PBX1: variants seen among roughly 807,000 people sequenced by gnomAD.
PBX1 encodes the protein PBX homeobox 1, also known as pre-B-cell leukemia transcription factor 1.
PBX1 carries 6 observed loss-of-function variants against 53.4 expected under a neutral mutation model. The ratio of observed to expected loss-of-function variants is 0.11; its 90% CI spans 0.06 to 0.22. PBX1 has a LOEUF of 0.22. PBX1 is among the 10% of genes least tolerant of loss of function. The pLI, the probability that PBX1 is intolerant of heterozygous loss-of-function variation, is 1.00. For missense variants in PBX1, 251 were observed against 551.4 expected (o/e 0.46, Z 5.46); for synonymous variants, 204 against 212.3 (o/e 0.96, Z 0.34).
intron 2 of PBX1, among the ~76,000 whole-genome samples, chr1:164,705,820 A>G (rs1169650138): frequency 6.6e-6 from 1 of 152,334 alleles, no homozygotes; most frequent in East Asian, 1.9e-4. Flanking sequence ...GAAGGTTTTC[A>G]TGGTAGATAC....
At chr1:164,561,188 G>A (rs1291952818) in intron 1 of PBX1, among the ~76,000 whole-genome samples, 1 of 152,110 alleles carries the variant, frequency 6.6e-6, no homozygotes, top group Non-Finnish European at 1.5e-5. Context: ...ACAAATATAC[G>A]CAACTCCTAT....
At chr1:164,597,490 T>A (rs563888347) in intron 2 of PBX1, among the ~76,000 whole-genome samples, 1 of 152,308 alleles carries the variant, frequency 6.6e-6, no homozygotes, top group Admixed American at 6.5e-5. Context: ...GCAGAGATAA[T>A]TTTCTACCAC....
chr1:164,706,473 C>T (rs1663430708), intron 2 of PBX1, among the ~76,000 whole-genome samples: 1 of 152,180 alleles, frequency 6.6e-6, no homozygotes, highest in African/African-American at 2.4e-5. Context: ...TTTAGTTATG[C>T]ACGGTTTCCT....
intron 3 of PBX1, among the ~76,000 whole-genome samples, chr1:164,797,120 C>A (rs754520285): frequency 5.3e-5 from 8 of 152,196 alleles, no homozygotes; most frequent in Non-Finnish European, 1.2e-4. Context: ...GGTGAAACGA[C>A]CCCACTGTCT....
chr1:164,722,183 T>G (rs1406773432), intron 2 of PBX1, among the ~76,000 whole-genome samples: 1 of 152,198 alleles, frequency 6.6e-6, no homozygotes, highest in Non-Finnish European at 1.5e-5. Flanking sequence ...CAGAATCTTC[T>G]TGCTGCTCAT....
Position 164,584,818 on chromosome 1 carries a change from C to A in PBX1, c.265+21507C>A, listed in dbSNP as rs138508336. ...CTTTAACTAATCAAGGGCTCAGGTT[C>A]CAGTACCTTCCTTTTATCCCCATCC... On this transcript the variant is annotated intron_variant, in intron 2 of 8. Transcript: ENST00000420696. 3.5e-3 allele frequency among the ~76,000 whole-genome samples: 535 copies of A among 152,170 alleles called. 3 individuals carry two copies. Among genetic ancestry groups the A allele is most frequent in the African/African-American group, 0.012 (495 of 41,508 alleles).
At chr1:164,587,116 G>C (rs545592041) in intron 2 of PBX1, among the ~76,000 whole-genome samples, 16 of 152,232 alleles carry the variant, frequency 1.1e-4, no homozygotes, top group Admixed American at 3.9e-4. Flanking sequence ...TCTCATTCCC[G>C]GTTTTACATA....
intron 3 of PBX1, among the ~76,000 whole-genome samples, chr1:164,798,520 C>G (rs952300357): frequency 9.2e-5 from 14 of 152,158 alleles, no homozygotes; most frequent in Non-Finnish European, 1.9e-4. Flanking sequence ...GGAGTAAGTT[C>G]AGACTCTAGG....
intron 2 of PBX1, among the ~76,000 whole-genome samples, chr1:164,701,797 A>T (rs1663137239): frequency 1.3e-5 from 2 of 152,016 alleles, no homozygotes. Flanking sequence ...TGTACTTATG[A>T]TTTGTGTCAT....
chr1:164,737,725 C>G (rs1346235009), intron 2 of PBX1, among the ~76,000 whole-genome samples: 1 of 152,100 alleles, frequency 6.6e-6, no homozygotes, highest in African/African-American at 2.4e-5. Context: ...GTGATCTGCC[C>G]GCCTTGGCCT....
chr1:164,707,418 T>TGTGTGTGTGAGAGA (rs58617739), intron 2 of PBX1, among the ~76,000 whole-genome samples: 5 of 118,266 alleles, frequency 4.2e-5, no homozygotes, highest in Admixed American at 1.6e-4. Context: ...TGTGTGTGTG[T>TGTGTGTGTGAGAGA]GAGAGAGAGA....
intron 2 of PBX1, among the ~76,000 whole-genome samples, chr1:164,564,309 A>AGATATGAATTAGATATGG (rs1215114300): frequency 2.0e-5 from 3 of 152,116 alleles, no homozygotes; most frequent in African/African-American, 7.2e-5. Context: ...AATAATTCAT[A>AGATATGAATTAGATATGG]TCTAAACCAT....
At chr1:164,709,856 C>T (rs529052538) in intron 2 of PBX1, among the ~76,000 whole-genome samples, 8 of 152,240 alleles carry the variant, frequency 5.3e-5, no homozygotes, top group South Asian at 2.1e-4. Context: ...TACCAGAAGT[C>T]GTCTCGGGTC....
At chr1:164,879,439 A>C (rs561197981) in intron 2 of PBX1, among the ~76,000 whole-genome samples, 1 of 152,348 alleles carries the variant, frequency 6.6e-6, no homozygotes, top group East Asian at 1.9e-4. Context: ...AAATGTGAGC[A>C]ACCGCTAAAA....
chr1:164,798,878 ACAG>A (rs1668916435), intron 3 of PBX1, among the ~76,000 whole-genome samples: 1 of 152,214 alleles, frequency 6.6e-6, no homozygotes. Flanking sequence ...AAAACTTGAA[ACAG>A]AAATAGGTGG....
intron 2 of PBX1, among the ~76,000 whole-genome samples, chr1:164,778,720 G>A (rs188392478): frequency 8.5e-5 from 13 of 152,216 alleles, no homozygotes; most frequent in African/African-American, 2.9e-4. Context: ...CTTGGTTTAG[G>A]CTAGTTCAGG....
chr1:164,643,069 G>A (rs575901244), intron 2 of PBX1, among the ~76,000 whole-genome samples: 1 of 152,122 alleles, frequency 6.6e-6, no homozygotes, highest in Non-Finnish European at 1.5e-5. Flanking sequence ...TAGAAACCTA[G>A]CCAAACAAAG....
chr1:164,842,704 T>C (rs1472679532), intron 8 of PBX1, among the ~76,000 whole-genome samples: 1 of 152,142 alleles, frequency 6.6e-6, no homozygotes, highest in Admixed American at 6.5e-5. Flanking sequence ...GTAGACACTC[T>C]TCCACTAAAT....
chr1:164,874,699 G>A lies in PBX1; in HGVS notation n.258-24489G>A, dbSNP rs1571551171. Among the ~76,000 whole-genome samples, 3 of 152,200 alleles carry A rather than the reference G, an allele frequency of 2.0e-5. No individual in the cohort carries two copies. In the South Asian group the frequency reaches 6.2e-4, roughly 32 times the overall value. On this transcript the variant is annotated intron_variant and non_coding_transcript_variant, in intron 2 of 2. Coordinates refer to the PBX1 transcript ENST00000558796. ...GGTAGAGACGAGTTTTCTCCATGTTGGCCTGGCTGGTCTCGAACTCCTGAC... is the reference window on the plus strand; with the variant it reads ...GGTAGAGACGAGTTTTCTCCATGTTAGCCTGGCTGGTCTCGAACTCCTGAC...
Sources: allele counts gnomAD v4.1 joint callset (sites outside exome capture counted in the v4.1 genomes callset), GRCh38; gene constraint gnomAD v4.1.1; transcripts MANE v1.5; gene names NCBI Gene and HGNC (gene_info 2026-07-23, HGNC 2026-07-21).